The following REDIC1 variants were observed in gnomAD, a reference collection of about 807,000 sequenced individuals.
The protein encoded by REDIC1 is HEI10 Interacting Protein 1.
chr12:39,804,701 C>T, the REDIC1 span, among the ~76,000 whole-genome samples: 1 of 152,076 alleles, frequency 6.6e-6, no homozygotes, highest in Non-Finnish European at 1.5e-5. Flanking sequence ...AACGTCTGTC[C>T]TCTCAGAGGA....
the REDIC1 span, among the ~76,000 whole-genome samples, chr12:39,786,372 A>ACCATGATTCTGAGACCTCCCCAG: frequency 6.7e-6 from 1 of 149,998 alleles, no homozygotes; most frequent in Non-Finnish European, 1.5e-5. Context: ...TTCATCTCCC[A>ACCATGATTCTGAGACCTCCCCAG]CCATGATTCT....
At chr12:39,899,990 C>T in the REDIC1 span, among the ~76,000 whole-genome samples, 1 of 151,304 alleles carries the variant, frequency 6.6e-6, no homozygotes, top group African/African-American at 2.4e-5. Flanking sequence ...AGCTTATCCA[C>T]CATGATCAAG....
At chr12:39,690,357 A>G in the REDIC1 span, among the ~76,000 whole-genome samples, 3 of 152,112 alleles carry the variant, frequency 2.0e-5, no homozygotes, top group African/African-American at 7.3e-5. Context: ...TAGTAGAGGA[A>G]TAAAGTTAAA....
chr12:39,720,705 T>C, the REDIC1 span: 21 of 1,071,812 alleles, frequency 2.0e-5, no homozygotes, highest in Non-Finnish European at 2.9e-5. Context: ...GTTGGGATTT[T>C]AAGAATATAT....
the REDIC1 span, among the ~76,000 whole-genome samples, chr12:39,635,431 G>A: frequency 1.3e-5 from 2 of 152,176 alleles, no homozygotes; most frequent in Non-Finnish European, 2.9e-5. Flanking sequence ...AAGAAAATGT[G>A]GCACATATAC....
At chr12:39,746,967 A>G in the REDIC1 span, among the ~76,000 whole-genome samples, 3 of 152,244 alleles carry the variant, frequency 2.0e-5, no homozygotes, top group Non-Finnish European at 4.4e-5. Flanking sequence ...AAAACCACAA[A>G]GATGGGGAAA....
At chr12:39,661,597 A>T in the REDIC1 span, among the ~76,000 whole-genome samples, 1 of 151,912 alleles carries the variant, frequency 6.6e-6, no homozygotes, top group African/African-American at 2.4e-5. Context: ...CTTTCATTCA[A>T]CAGGTTGTCT....
At chr12:39,648,748 T>C in the REDIC1 span, among the ~76,000 whole-genome samples, 1 of 150,784 alleles carries the variant, frequency 6.6e-6, no homozygotes, top group Non-Finnish European at 1.5e-5. Context: ...ATATTATTTA[T>C]AAATCAGTTT....
At chr12:39,746,157 G>C in the REDIC1 span, 1 of 152,224 alleles carries the variant, frequency 6.6e-6, no homozygotes, top group African/African-American at 2.4e-5. Context: ...CCTGGGAAGC[G>C]CAAGGGGTCA....
chr12:39,798,798 A>G, the REDIC1 span, among the ~76,000 whole-genome samples: 6 of 152,148 alleles, frequency 3.9e-5, no homozygotes, highest in African/African-American at 1.4e-4. Flanking sequence ...AGCTCAAAAT[A>G]CTTTGTATAA....
At chr12:39,861,443 A>G in the REDIC1 span, among the ~76,000 whole-genome samples, 1 of 152,224 alleles carries the variant, frequency 6.6e-6, no homozygotes, top group Non-Finnish European at 1.5e-5. Flanking sequence ...GCTTTAGGAA[A>G]TATCTGTCTA....
chr12:39,639,878 A>G, the REDIC1 span, among the ~76,000 whole-genome samples: 1 of 151,966 alleles, frequency 6.6e-6, no homozygotes, highest in African/African-American at 2.4e-5. Flanking sequence ...TTGAGACCAT[A>G]GTGTTATGCA....
At chr12:39,877,903 G>A in the REDIC1 span, among the ~76,000 whole-genome samples, 12 of 152,182 alleles carry the variant, frequency 7.9e-5, no homozygotes, top group Non-Finnish European at 1.6e-4. Flanking sequence ...GGTGGGAGAC[G>A]TTTGGATCAT....
the REDIC1 span, among the ~76,000 whole-genome samples, chr12:39,688,861 G>T: frequency 6.6e-6 from 1 of 152,228 alleles, no homozygotes; most frequent in African/African-American, 2.4e-5. Flanking sequence ...ATTTATTTAT[G>T]ATTTGAGTAA....
At chr12:39,895,909 T>C in the REDIC1 span, among the ~76,000 whole-genome samples, 1 of 150,158 alleles carries the variant, frequency 6.7e-6, no homozygotes, top group South Asian at 2.1e-4. Flanking sequence ...CACATATGTA[T>C]ATGTATGCAT....
the REDIC1 span, among the ~76,000 whole-genome samples, chr12:39,793,916 A>C: frequency 2.0e-5 from 3 of 152,008 alleles, no homozygotes; most frequent in East Asian, 3.9e-4. Flanking sequence ...CTTTTATCTC[A>C]GTGAGCTCAT....
chr12:39,669,971 A>T, the REDIC1 span, among the ~76,000 whole-genome samples: 1 of 152,040 alleles, frequency 6.6e-6, no homozygotes, highest in Non-Finnish European at 1.5e-5. Context: ...TGACTAGGAG[A>T]GGGAATTCCC....
At chr12:39,741,783 A>G in the REDIC1 span, among the ~76,000 whole-genome samples, 3 of 152,152 alleles carry the variant, frequency 2.0e-5, no homozygotes, top group Non-Finnish European at 4.4e-5. Context: ...TTAATTTGTA[A>G]TTGGTTAAAG....
the REDIC1 span, among the ~76,000 whole-genome samples, chr12:39,713,631 G>A: frequency 1.7e-3 from 250 of 148,674 alleles, 1 homozygote; most frequent in African/African-American, 6.0e-3. Flanking sequence ...CATGTATACA[G>A]TACATATGTA....
Sources: gnomAD v4.1 joint callset for allele counts (sites outside exome capture counted in the v4.1 genomes callset) on GRCh38, gnomAD v4.1.1 for gene constraint, MANE v1.5 for transcripts, NCBI Gene and HGNC (gene_info 2026-07-23, HGNC 2026-07-21) for gene names.